Variants in DEUP1 observed in about 807,000 individuals in gnomAD.
The protein encoded by DEUP1 is coiled-coil domain containing 67.
A neutral mutation model predicts 87.4 loss-of-function variants in DEUP1; 82 were observed. That is an observed-to-expected ratio of 0.94 (90% CI 0.78 to 1.13). DEUP1 has a LOEUF of 1.13. DEUP1 is among the 50% of genes most tolerant of loss of function. The pLI, the probability that DEUP1 is intolerant of heterozygous loss-of-function variation, is 0.00. For missense variants in DEUP1, 663 were observed against 681.5 expected, an observed-to-expected ratio of 0.97 and a Z score of 0.30; for synonymous variants, 214 against 222.7, an observed-to-expected ratio of 0.96 and a Z score of 0.35.
intron 7 of DEUP1, among the ~76,000 whole-genome samples, chr11:93,380,727 CT>C (rs1156769552): frequency 2.0e-5 from 3 of 152,024 alleles, no homozygotes; most frequent in African/African-American, 7.2e-5. Flanking sequence ...TTTAATGTGA[CT>C]GATATTTATA....
chr11:93,429,518 C>T (rs1040645568), intron 13 of DEUP1, among the ~76,000 whole-genome samples: 1 of 152,130 alleles, frequency 6.6e-6, no homozygotes, highest in Admixed American at 6.5e-5. Flanking sequence ...AGTGTCCGCT[C>T]AAATATCACC....
chr11:93,413,576 T>G (rs982534628), intron 12 of DEUP1, among the ~76,000 whole-genome samples: 13 of 152,164 alleles, frequency 8.5e-5, no homozygotes, highest in African/African-American at 3.1e-4. Flanking sequence ...AACCTCAGTT[T>G]CATGAAAGAT....
chr11:93,357,583 C>T (rs1944958264), intron 4 of DEUP1: 1 of 152,350 alleles, frequency 6.6e-6, no homozygotes, highest in South Asian at 2.1e-4. Flanking sequence ...AGAAGGCACA[C>T]AAAATGCCTT....
rs762230233 is a variant in DEUP1, at chr11:93,356,946, A to C, written c.202-2A>C. 3 of 1,578,278 alleles carry C rather than the reference A, an allele frequency of 1.9e-6. No individual in the cohort carries two copies. The Admixed American group carries it at 5.5e-5, about 29-fold the overall frequency. The stretch of plus-strand genomic sequence containing the variant: ...CAAAATTAAATTTTATTCTTCATGC[A>C]GGTAGGGTTACTTCGACAGAAATTG... On this transcript the variant is annotated splice_acceptor_variant, in intron 3 of 13. Transcript: ENST00000298050. LOFTEE classifies it high-confidence loss of function.
chr11:93,402,503 T>A (rs1037006284), intron 11 of DEUP1, among the ~76,000 whole-genome samples: 1 of 152,002 alleles, frequency 6.6e-6, no homozygotes, highest in Non-Finnish European at 1.5e-5. Context: ...ATTCCACTAC[T>A]GGGTATATAT....
chr11:93,392,499 T>C (rs1946795851), intron 9 of DEUP1, among the ~76,000 whole-genome samples: 1 of 152,190 alleles, frequency 6.6e-6, no homozygotes. Context: ...TTTAAAAAGA[T>C]ATATGAGCCA....
Position 93,396,302 on chromosome 11 carries a change from G to T in DEUP1, c.1303G>T (p.Asp435Tyr), listed in dbSNP as rs1448125487. The T allele has an allele frequency of 1.3e-6, 2 of 1,578,626 alleles. No homozygotes were observed. Among genetic ancestry groups the T allele is most frequent in the African/African-American group, 2.7e-5 (2 of 74,000 alleles). The change falls in exon 11 of 14, where the codon GAT (aspartate) becomes TAT (tyrosine). Residue 435 changes from aspartate (D) to tyrosine (Y), a missense_variant. Transcript: ENST00000298050. ...ENTHLKGMMG[D>Y]LDPGEYMSMD... ...CACACATCTAAAAGGAATGATGGGAGATTTAGACCCCGGAGAATACATGGT... is the reference window on the plus strand; with the variant it reads ...CACACATCTAAAAGGAATGATGGGATATTTAGACCCCGGAGAATACATGGT...
intron 2 of DEUP1, among the ~76,000 whole-genome samples, chr11:93,346,865 A>T (rs1944375236): frequency 6.6e-6 from 1 of 152,130 alleles, no homozygotes; most frequent in African/African-American, 2.4e-5. Context: ...GGTGTGTAGG[A>T]ATGCTAGTGA....
chr11:93,383,358 C>T (rs561616421), intron 7 of DEUP1: 2 of 360,432 alleles, frequency 5.5e-6, no homozygotes, highest in Admixed American at 4.5e-5. Context: ...TTAAAGAGGG[C>T]AGTCACAAAA....
intron 2 of DEUP1, among the ~76,000 whole-genome samples, chr11:93,341,746 C>T (rs923447734): frequency 6.6e-6 from 1 of 152,108 alleles, no homozygotes; most frequent in Non-Finnish European, 1.5e-5. Context: ...TGTTAGTTTC[C>T]TATGGTTATT....
At chr11:93,343,606 T>G (rs766810679) in intron 2 of DEUP1, among the ~76,000 whole-genome samples, 1 of 152,176 alleles carries the variant, frequency 6.6e-6, no homozygotes, top group Admixed American at 6.5e-5. Context: ...AGGGGTTACT[T>G]AGAATGTGAG....
intron 6 of DEUP1, 90 bp from the exon 7 acceptor site, chr11:93,370,948 C>A: frequency 9.0e-7 from 1 of 1,113,048 alleles, no homozygotes; most frequent in South Asian, 1.7e-5. Context: ...TAAAGATATT[C>A]CTACTAATTC....
At chr11:93,431,722 T>C (rs1285262018) in intron 13 of DEUP1, among the ~76,000 whole-genome samples, 1 of 152,096 alleles carries the variant, frequency 6.6e-6, no homozygotes, top group Non-Finnish European at 1.5e-5. Flanking sequence ...TTGGTAGCAG[T>C]GGAGATAGAG....
intron 11 of DEUP1, among the ~76,000 whole-genome samples, chr11:93,401,716 A>G (rs1170812249): frequency 1.3e-5 from 2 of 152,040 alleles, no homozygotes; most frequent in East Asian, 1.9e-4. Context: ...CTAAAATTAG[A>G]TATATTGAAA....
At position 93,437,642 on chromosome 11, in the gene DEUP1, C is replaced by T; in HGVS notation, c.1738C>T (p.His580Tyr). Residue 580 changes from histidine (H) to tyrosine (Y), a missense_variant, in exon 14 of 14, where the codon CAT (histidine) becomes TAT (tyrosine). His to Tyr is a moderately conservative substitution (Grantham distance 83). Coordinates refer to ENST00000298050, the MANE Select transcript of DEUP1 (RefSeq NM_181645.4). The stretch of plus-strand genomic sequence containing the variant: ...AGAACTTGAAAAACTTCTAAATACA[C>T]ATATTGATGAACTGCAAAGACACAC... ...AKELEKLLNT[H>Y]IDELQRHTEF... 1.9e-6 allele frequency: 3 copies of T among 1,609,096 alleles called. No homozygotes were observed. The highest frequency in any genetic ancestry group is 2.6e-6 in the Non-Finnish European group (3 of 1,175,582).
chr11:93,420,590 G>T (rs1167337494), intron 13 of DEUP1, among the ~76,000 whole-genome samples: 2 of 145,646 alleles, frequency 1.4e-5, no homozygotes, highest in South Asian at 2.3e-4. Flanking sequence ...AGGAAATAAA[G>T]GGTATTCAAT....
At chr11:93,358,653 C>G (rs3019225) in intron 4 of DEUP1, among the ~76,000 whole-genome samples, 151,270 of 152,248 alleles carry the variant, frequency 0.99, 75,157 homozygotes, top group South Asian at 1. Context: ...GCATGATCTC[C>G]CCTCACTGCA....
At chr11:93,372,646 C>G (rs927226035) in intron 7 of DEUP1, among the ~76,000 whole-genome samples, 1 of 152,320 alleles carries the variant, frequency 6.6e-6, no homozygotes, top group African/African-American at 2.4e-5. Flanking sequence ...CTCCCAGTCT[C>G]TCCCATTCAG....
chr11:93,337,290 T>C (rs562134696), intron 2 of DEUP1, among the ~76,000 whole-genome samples: 1 of 152,352 alleles, frequency 6.6e-6, no homozygotes, highest in Non-Finnish European at 1.5e-5. Flanking sequence ...TACCAGGTTC[T>C]TGACTTTATG....
Sources: allele counts gnomAD v4.1 joint callset (sites outside exome capture counted in the v4.1 genomes callset), GRCh38; gene constraint gnomAD v4.1.1; transcripts MANE v1.5; gene names NCBI Gene and HGNC (gene_info 2026-07-23, HGNC 2026-07-21).